Variants in DHCR24 observed in about 807,000 individuals in gnomAD.
The protein encoded by DHCR24 is delta(24)-sterol reductase.
In DHCR24, 28 loss-of-function variants were observed where a neutral mutation model predicts 61.2. The ratio of observed to expected loss-of-function variants is 0.46; its 90% confidence interval spans 0.34 to 0.63. DHCR24 has a LOEUF of 0.63. Among genes scored for constraint, DHCR24 ranks in the 20% least tolerant of loss-of-function variants. The pLI is 0.01. For missense variants in DHCR24, 538 were observed against 679.1 expected (o/e 0.79, Z 2.31); for synonymous variants, 261 against 275.9 (o/e 0.95, Z 0.54).
At chr1:54,875,356 C>G in intron 3 of DHCR24, 145 bp from the exon 4 acceptor site, 1 of 751,660 alleles carries the variant, frequency 1.3e-6, no homozygotes, top group South Asian at 1.4e-5. Flanking sequence ...GATTTCCCAC[C>G]TGTCAATCTA....
chr1:54,867,934 T>C (rs1219037990), intron 5 of DHCR24, among the ~76,000 whole-genome samples: 2 of 152,196 alleles, frequency 1.3e-5, no homozygotes, highest in East Asian at 3.9e-4. Flanking sequence ...CAGGCTGATA[T>C]GTCAGGGAAC....
intron 6 of DHCR24, among the ~76,000 whole-genome samples, chr1:54,855,432 G>C (rs971806855): frequency 5.9e-5 from 9 of 151,816 alleles, no homozygotes; most frequent in African/African-American, 2.2e-4. Context: ...GGCCTCCGAG[G>C]TCAGGAACCA....
At chr1:54,868,120 A>G (rs1287188275) in intron 5 of DHCR24, among the ~76,000 whole-genome samples, 2 of 152,200 alleles carry the variant, frequency 1.3e-5, no homozygotes, top group Non-Finnish European at 2.9e-5. Flanking sequence ...GTATATAGGT[A>G]TAGATTAAGA....
intron 7 of DHCR24, 51 bp from the exon 8 acceptor site, chr1:54,853,663 A>T: frequency 6.4e-7 from 1 of 1,571,284 alleles, no homozygotes; most frequent in Non-Finnish European, 8.6e-7. Context: ...AACAGGTGAC[A>T]GGCTCATGGC....
intron 6 of DHCR24, among the ~76,000 whole-genome samples, chr1:54,860,922 C>A (rs1445225258): frequency 6.6e-6 from 1 of 151,300 alleles, no homozygotes; most frequent in African/African-American, 2.4e-5. Context: ...CGGGAGGCGG[C>A]ACTTGCAGTG....
chr1:54,861,769 C>T (rs1490477988), intron 6 of DHCR24, among the ~76,000 whole-genome samples: 1 of 152,134 alleles, frequency 6.6e-6, no homozygotes, highest in Non-Finnish European at 1.5e-5. Flanking sequence ...AGTGTGAATC[C>T]CTGGTAGGCC....
At chr1:54,864,191 C>T (rs1646955184) in intron 6 of DHCR24, among the ~76,000 whole-genome samples, 2 of 152,152 alleles carry the variant, frequency 1.3e-5, no homozygotes, top group South Asian at 2.1e-4. Context: ...CCAGCAATTC[C>T]ACTCCTAGTT....
intron 2 of DHCR24, among the ~76,000 whole-genome samples, chr1:54,878,906 A>G (rs1490072797): frequency 2.6e-5 from 4 of 152,252 alleles, no homozygotes; most frequent in African/African-American, 9.6e-5. Flanking sequence ...AGAAAAATCA[A>G]TCAATCAAAC....
intron 5 of DHCR24, 96 bp downstream of exon 5, chr1:54,871,254 A>AGGT: frequency 6.7e-7 from 1 of 1,501,658 alleles, no homozygotes; most frequent in Non-Finnish European, 9.1e-7. Flanking sequence ...AGCCTTGAAG[A>AGGT]GGTGGCTGCC....
chr1:54,875,419 GAGGA>G, intron 3 of DHCR24, among the ~76,000 whole-genome samples: 1 of 152,216 alleles, frequency 6.6e-6, no homozygotes, highest in Non-Finnish European at 1.5e-5. Context: ...GGTGTCCTTA[GAGGA>G]AGGGAGTGGC....
In DHCR24 at chr1:54,852,374, C is replaced by T; in HGVS notation, c.1410G>A (p.Leu470=). 5.0e-6 allele frequency: 8 copies of T among 1,614,100 alleles called. No homozygotes were observed. Among genetic ancestry groups the T allele is most frequent in the African/African-American group, 1.3e-5 (1 of 75,074 alleles). Residue 470 remains leucine, a synonymous_variant, in exon 9 of 9, where the codon CTG becomes CTA. Transcript: ENST00000371269. ...CCCGGTTCATGTAGCAGTCGGCATA[C>T]AGCATCTGGAAGCTGCAGAGGCAGA... ...FVRSVHGFQM[L]YADCYMNREE...
At chr1:54,858,487 C>T (rs1307576138) in intron 6 of DHCR24, among the ~76,000 whole-genome samples, 2 of 152,236 alleles carry the variant, frequency 1.3e-5, no homozygotes, top group Non-Finnish European at 1.5e-5. Context: ...CGTTCACTTC[C>T]TGCATGCAAA....
chr1:54,873,825 T>C (rs924395929), intron 4 of DHCR24, among the ~76,000 whole-genome samples: 3 of 152,204 alleles, frequency 2.0e-5, no homozygotes, highest in African/African-American at 7.2e-5. Context: ...AATTTTTGTA[T>C]TGTTTGTAGA....
intron 4 of DHCR24, 87 bp downstream of exon 4, chr1:54,875,006 G>A (rs1557437517): frequency 4.4e-6 from 5 of 1,145,486 alleles, no homozygotes; most frequent in Admixed American, 1.7e-5. Context: ...TGGGAATGAA[G>A]CACACCTAGA....
At chr1:54,854,517 G>A (rs1305352776) in intron 6 of DHCR24, among the ~76,000 whole-genome samples, 4 of 152,206 alleles carry the variant, frequency 2.6e-5, no homozygotes, top group Non-Finnish European at 4.4e-5. Flanking sequence ...TGAGGATAAT[G>A]AGATATTAAT....
intron 6 of DHCR24, among the ~76,000 whole-genome samples, chr1:54,861,756 A>T (rs896918536): frequency 1.3e-5 from 2 of 152,172 alleles, no homozygotes; most frequent in African/African-American, 4.8e-5. Context: ...CTGTAAATTC[A>T]TGAGTGTGAA....
chr1:54,870,852 CTTT>C (rs1646994707), intron 5 of DHCR24, among the ~76,000 whole-genome samples: 1 of 44,292 alleles, frequency 2.3e-5, no homozygotes, highest in Non-Finnish European at 7.7e-5. Context: ...AGCACAAATC[CTTT>C]CCAAGTCTCT....
At chr1:54,874,900 C>T (rs1647018396) in intron 4 of DHCR24, among the ~76,000 whole-genome samples, 193 bp downstream of exon 4, 1 of 152,028 alleles carries the variant, frequency 6.6e-6, no homozygotes, top group South Asian at 2.1e-4. Context: ...ACATGCATGC[C>T]TTAATATATA....
chr1:54,853,695 AAT>A (rs1646890967), intron 7 of DHCR24, 83 bp from the exon 8 acceptor site: 7 of 1,460,688 alleles, frequency 4.8e-6, no homozygotes, highest in Non-Finnish European at 5.6e-6. Flanking sequence ...TACCCACCCA[AAT>A]GAAGGCTTTG....
Sources: allele counts gnomAD v4.1 joint callset (sites outside exome capture counted in the v4.1 genomes callset), GRCh38; gene constraint gnomAD v4.1.1; transcripts MANE v1.5; gene names NCBI Gene and HGNC (gene_info 2026-07-23, HGNC 2026-07-21).